RSRC1: variants seen among roughly 807,000 people sequenced by gnomAD.
RSRC1 encodes the protein arginine and serine rich coiled-coil 1.
A neutral mutation model predicts 49.1 loss-of-function variants in RSRC1; 39 were observed. The ratio of observed to expected loss-of-function variants is 0.79; its 90% CI spans 0.61 to 1.04. The LOEUF is 1.04. Among genes scored for constraint, RSRC1 ranks in the 50% least tolerant of loss-of-function variants. The pLI, the probability that RSRC1 is intolerant of heterozygous loss-of-function variation, is 0.00. For synonymous variants in RSRC1, 143 were observed against 130.8 expected (o/e 1.09, Z -0.63); for missense variants, 388 against 402.4 (o/e 0.96, Z 0.31).
chr3:158,308,423 G>A (rs957971153), intron 5 of RSRC1, among the ~76,000 whole-genome samples: 7 of 151,828 alleles, frequency 4.6e-5, no homozygotes, highest in African/African-American at 1.5e-4. Context: ...GCTGCAAGGC[G>A]TCTCTCGGCA....
chr3:158,358,591 C>A (rs1459284652), intron 6 of RSRC1, among the ~76,000 whole-genome samples: 1 of 152,032 alleles, frequency 6.6e-6, no homozygotes, highest in African/African-American at 2.4e-5. Flanking sequence ...TTTTCTAGTT[C>A]ATTGAGGTGA....
intron 5 of RSRC1, among the ~76,000 whole-genome samples, chr3:158,298,585 T>G (rs1018262912): frequency 1.2e-4 from 18 of 152,150 alleles, no homozygotes; most frequent in Non-Finnish European, 4.4e-5. Context: ...AATTTTTGGT[T>G]TAAGTAAACA....
At chr3:158,511,084 A>T (rs1229809292) in intron 7 of RSRC1, among the ~76,000 whole-genome samples, 2 of 150,786 alleles carry the variant, frequency 1.3e-5, no homozygotes, top group African/African-American at 4.9e-5. Flanking sequence ...TTTACTCCCT[A>T]AAGAATTGGC....
At chr3:158,531,528 A>G (rs1712400173) in intron 7 of RSRC1, among the ~76,000 whole-genome samples, 1 of 151,942 alleles carries the variant, frequency 6.6e-6, no homozygotes, top group Non-Finnish European at 1.5e-5. Context: ...TCCCGTCCAA[A>G]GTGGAGTTCC....
chr3:158,261,996 C>A (rs1724922604), intron 4 of RSRC1, among the ~76,000 whole-genome samples: 1 of 152,210 alleles, frequency 6.6e-6, no homozygotes, highest in African/African-American at 2.4e-5. Flanking sequence ...CCACCCCTAC[C>A]CAGCCCCATC....
At chr3:158,289,172 A>G (rs1726764748) in intron 4 of RSRC1, among the ~76,000 whole-genome samples, 1 of 152,096 alleles carries the variant, frequency 6.6e-6, no homozygotes, top group Non-Finnish European at 1.5e-5. Context: ...CATCAGATCT[A>G]CTGATGACAA....
At chr3:158,392,614 A>G (rs915540223) in intron 6 of RSRC1, among the ~76,000 whole-genome samples, 4 of 152,158 alleles carry the variant, frequency 2.6e-5, no homozygotes, top group African/African-American at 7.2e-5. Flanking sequence ...AAAGGGTTCA[A>G]TTCAACAAGA....
intron 7 of RSRC1, among the ~76,000 whole-genome samples, chr3:158,509,880 C>T (rs1182049840): frequency 1.3e-5 from 2 of 152,126 alleles, no homozygotes; most frequent in African/African-American, 2.4e-5. Flanking sequence ...GCTATTAAAA[C>T]ATAAACATTC....
intron 6 of RSRC1, among the ~76,000 whole-genome samples, chr3:158,399,073 C>G (rs980454391): frequency 2.1e-5 from 3 of 142,122 alleles, no homozygotes; most frequent in Non-Finnish European, 4.5e-5. Context: ...AAAATCTTTA[C>G]ATGGATTCTA....
chr3:158,413,814 T>C (rs964514850), intron 6 of RSRC1, among the ~76,000 whole-genome samples: 2 of 152,008 alleles, frequency 1.3e-5, no homozygotes, highest in Non-Finnish European at 2.9e-5. Flanking sequence ...AAAATGGCAA[T>C]TATTAAAATG....
chr3:158,155,068 GTCT>G (rs1232299546), intron 3 of RSRC1, among the ~76,000 whole-genome samples: 2 of 152,022 alleles, frequency 1.3e-5, no homozygotes, highest in Non-Finnish European at 2.9e-5. Context: ...CTCCACTGAA[GTCT>G]TCTTCCTCAC....
chr3:158,346,114 A>G (rs1387814792), intron 5 of RSRC1, among the ~76,000 whole-genome samples: 8 of 152,152 alleles, frequency 5.3e-5, no homozygotes, highest in Admixed American at 5.2e-4. Flanking sequence ...GATTAGGTAA[A>G]GATTTCTTAA....
intron 3 of RSRC1, among the ~76,000 whole-genome samples, chr3:158,142,096 T>G (rs987889621): frequency 2.0e-4 from 30 of 152,254 alleles, no homozygotes; most frequent in African/African-American, 6.5e-4. Context: ...AGACTCCGTC[T>G]CAAAAAAGAA....
chr3:158,244,336 G>A (rs922694441), intron 4 of RSRC1, among the ~76,000 whole-genome samples: 3 of 152,198 alleles, frequency 2.0e-5, no homozygotes, highest in African/African-American at 7.2e-5. Context: ...ATGAAGGGAT[G>A]TTGAATTTTA....
intron 4 of RSRC1, among the ~76,000 whole-genome samples, chr3:158,283,559 T>C (rs190718917): frequency 1.3e-5 from 2 of 152,320 alleles, no homozygotes; most frequent in Admixed American, 6.5e-5. Flanking sequence ...TACATAACTA[T>C]GTCACAATTT....
chr3:158,465,664 A>G (rs988136309), intron 7 of RSRC1, among the ~76,000 whole-genome samples: 2 of 152,124 alleles, frequency 1.3e-5, no homozygotes, highest in East Asian at 1.9e-4. Context: ...TCTTTCTTAC[A>G]TTTACACATT....
At chr3:158,375,389 A>G (rs1732309032) in intron 6 of RSRC1, among the ~76,000 whole-genome samples, 1 of 148,908 alleles carries the variant, frequency 6.7e-6, no homozygotes, top group Non-Finnish European at 1.5e-5. Flanking sequence ...TCTTAATGAG[A>G]TATGGTTTTG....
chr3:158,523,027 T>C (rs746102659), intron 7 of RSRC1, among the ~76,000 whole-genome samples: 1 of 152,128 alleles, frequency 6.6e-6, no homozygotes, highest in Non-Finnish European at 1.5e-5. Flanking sequence ...CTTTTGGCTC[T>C]AAAATCAGAA....
At chr3:158,496,957 G>T in intron 7 of RSRC1, 1 of 158,420 alleles carries the variant, frequency 6.3e-6, no homozygotes, top group East Asian at 1.6e-4. Flanking sequence ...TTTGGCTTAT[G>T]GAAAAAAAGA....
Sources: allele counts gnomAD v4.1 joint callset (sites outside exome capture counted in the v4.1 genomes callset), GRCh38; gene constraint gnomAD v4.1.1; transcripts MANE v1.5; gene names NCBI Gene and HGNC (gene_info 2026-07-23, HGNC 2026-07-21).